The following AKT3 variants were observed in gnomAD, a reference collection of about 807,000 sequenced individuals.
AKT3 encodes the protein AKT serine/threonine kinase 3.
In AKT3, 15 loss-of-function variants were observed where a neutral mutation model predicts 65.3. The observed-to-expected ratio is 0.23, with a 90% CI of 0.15 to 0.35. The LOEUF (loss-of-function observed/expected upper bound fraction) is 0.35. AKT3 is among the 10% of genes least tolerant of loss of function. The pLI, the probability that AKT3 is intolerant of heterozygous loss-of-function variation, is 1.00. For synonymous variants in AKT3, 206 were observed against 183.8 expected (o/e 1.12, Z -0.98); for missense variants, 243 against 576.5 (o/e 0.42, Z 5.92).
chr1:243,699,661 A>G (rs1685316622), intron 2 of AKT3, among the ~76,000 whole-genome samples: 1 of 151,456 alleles, frequency 6.6e-6, no homozygotes, highest in Non-Finnish European at 1.5e-5. Flanking sequence ...TGAGTGGTGG[A>G]CCCTCGAATG....
intron 3 of AKT3, among the ~76,000 whole-genome samples, chr1:243,692,563 T>C (rs1043661669): frequency 6.7e-6 from 1 of 149,570 alleles, no homozygotes; most frequent in Non-Finnish European, 1.5e-5. Flanking sequence ...TGAAACCCCA[T>C]CTCTACTAAA....
intron 2 of AKT3, among the ~76,000 whole-genome samples, chr1:243,807,377 G>A (rs900690497): frequency 1.3e-5 from 2 of 152,190 alleles, no homozygotes; most frequent in Non-Finnish European, 2.9e-5. Flanking sequence ...CGGCACACCA[G>A]GAGATTATAT....
At chr1:243,509,762 T>C (rs1669905777) in intron 13 of AKT3, among the ~76,000 whole-genome samples, 1 of 151,960 alleles carries the variant, frequency 6.6e-6, no homozygotes, top group South Asian at 2.1e-4. Flanking sequence ...GTGATTCAAA[T>C]TGGCAGAACT....
chr1:243,574,178 T>C (rs1234724751), intron 8 of AKT3, among the ~76,000 whole-genome samples: 1 of 152,176 alleles, frequency 6.6e-6, no homozygotes, highest in Non-Finnish European at 1.5e-5. Context: ...AACTAAGATT[T>C]GTTCTGCATA....
intron 12 of AKT3, among the ~76,000 whole-genome samples, chr1:243,543,760 TA>T (rs1672471948): frequency 6.6e-6 from 1 of 152,208 alleles, no homozygotes; most frequent in Non-Finnish European, 1.5e-5. Context: ...GTGCTTCTCA[TA>T]AAGGTTGTGA....
At chr1:243,772,909 C>T (rs556116762) in intron 2 of AKT3, among the ~76,000 whole-genome samples, 1 of 151,794 alleles carries the variant, frequency 6.6e-6, no homozygotes, top group South Asian at 2.1e-4. Flanking sequence ...AAGCTGGAAA[C>T]CATCATTCTC....
At chr1:243,526,950 T>C (rs1405763153) in intron 12 of AKT3, among the ~76,000 whole-genome samples, 1 of 152,018 alleles carries the variant, frequency 6.6e-6, no homozygotes. Context: ...ACCATGGAAG[T>C]GTATACTTTA....
At chr1:243,597,479 C>T (rs1468080004) in intron 8 of AKT3, among the ~76,000 whole-genome samples, 1 of 151,658 alleles carries the variant, frequency 6.6e-6, no homozygotes, top group East Asian at 2.0e-4. Flanking sequence ...AATATCCATT[C>T]CCCAGAATAC....
At chr1:243,690,481 T>G (rs1046064439) in intron 3 of AKT3, among the ~76,000 whole-genome samples, 1 of 152,202 alleles carries the variant, frequency 6.6e-6, no homozygotes, top group East Asian at 1.9e-4. Flanking sequence ...TAATTGTGAT[T>G]AGAGATGTAC....
intron 2 of AKT3, 70 bp from the exon 3 acceptor site, chr1:243,695,786 A>G (rs1048542833): frequency 9.9e-6 from 14 of 1,413,002 alleles, no homozygotes; most frequent in Middle Eastern, 4.1e-4. Flanking sequence ...AAAATAAATT[A>G]TGGTACAATA....
At chr1:243,636,880 CA>C (rs1680012630) in intron 6 of AKT3, among the ~76,000 whole-genome samples, 1 of 152,016 alleles carries the variant, frequency 6.6e-6, no homozygotes, top group African/African-American at 2.4e-5. Context: ...GACAGGGAAA[CA>C]AAGTTTCACA....
intron 2 of AKT3, among the ~76,000 whole-genome samples, chr1:243,834,944 A>C (rs1483105874): frequency 6.6e-6 from 1 of 152,234 alleles, no homozygotes; most frequent in Non-Finnish European, 1.5e-5. Flanking sequence ...TATACTATAC[A>C]GGAGAACAAC....
intron 12 of AKT3, among the ~76,000 whole-genome samples, chr1:243,523,032 G>C (rs1232031877): frequency 6.6e-6 from 1 of 152,048 alleles, no homozygotes; most frequent in Non-Finnish European, 1.5e-5. Flanking sequence ...AAAGATAGGG[G>C]CTTTAAAAGC....
At chr1:243,778,880 T>C (rs1183000089) in intron 2 of AKT3, among the ~76,000 whole-genome samples, 1 of 151,988 alleles carries the variant, frequency 6.6e-6, no homozygotes, top group Non-Finnish European at 1.5e-5. Flanking sequence ...TAAATTGAGG[T>C]TTTTCCATGA....
intron 2 of AKT3, among the ~76,000 whole-genome samples, chr1:243,833,251 C>A (rs1558856102): frequency 1.3e-5 from 2 of 151,880 alleles, no homozygotes; most frequent in Non-Finnish European, 2.9e-5. Flanking sequence ...GACTCCATAT[C>A]AAAAAACAAA....
At chr1:243,763,444 T>C (rs527895456) in intron 2 of AKT3, among the ~76,000 whole-genome samples, 2 of 152,200 alleles carry the variant, frequency 1.3e-5, no homozygotes, top group Non-Finnish European at 2.9e-5. Context: ...ATATTTACTT[T>C]AGGCTTGAGC....
intron 3 of AKT3, 55 bp from the exon 4 acceptor site, chr1:243,664,938 A>G: frequency 9.3e-7 from 1 of 1,074,418 alleles, no homozygotes; most frequent in Non-Finnish European, 1.3e-6. Context: ...AACAAGAAGT[A>G]AATAATTGAG....
At chr1:243,742,160 T>C (rs1688199971) in intron 2 of AKT3, among the ~76,000 whole-genome samples, 1 of 151,756 alleles carries the variant, frequency 6.6e-6, no homozygotes, top group African/African-American at 2.4e-5. Flanking sequence ...GAATTTGGTA[T>C]CCACAAGGGA....
At chr1:243,615,964 T>A (rs6657813) in intron 6 of AKT3, among the ~76,000 whole-genome samples, 25,717 of 151,812 alleles carry the variant, frequency 0.17, 2,349 homozygotes, top group South Asian at 0.3. Context: ...GAGCTCAAAC[T>A]CCTGAGGATC....
Sources: allele counts gnomAD v4.1 joint callset (sites outside exome capture counted in the v4.1 genomes callset), GRCh38; gene constraint gnomAD v4.1.1; transcripts MANE v1.5; gene names NCBI Gene and HGNC (gene_info 2026-07-23, HGNC 2026-07-21).